The following EIF4E2 variants were observed in gnomAD, a reference collection of about 807,000 sequenced individuals.
EIF4E2 encodes eukaryotic translation initiation factor 4E family member 2.
Under a neutral mutation model 34.2 loss-of-function variants are expected in EIF4E2, and 13 were observed. That is an observed-to-expected ratio of 0.38 (90% CI 0.25 to 0.60). The LOEUF is 0.60. Among genes scored for constraint, EIF4E2 ranks in the 20% least tolerant of loss-of-function variants. EIF4E2 has a pLI of 0.62. For missense variants in EIF4E2, 222 were observed against 315.1 expected, an observed-to-expected ratio of 0.70 and a Z score of 2.24; for synonymous variants, 100 against 106.6, an observed-to-expected ratio of 0.94 and a Z score of 0.38.
At chr2:232,572,189 A>G (rs537592437), downstream of EIF4E2, among the ~76,000 whole-genome samples, 1 of 152,244 alleles carries the variant, frequency 6.6e-6, no homozygotes, top group Admixed American at 6.5e-5. Context: ...AATATTACCC[A>G]GTATGCCTGG....
chr2:232,582,984 T>A (rs1272691201), exon 7 of EIF4E2: 1 of 152,216 alleles, frequency 6.6e-6, no homozygotes, highest in Non-Finnish European at 1.5e-5. Context: ...CGCCCAGTGT[T>A]CTCCCAGATA....
chr2:232,557,968 A>T lies in EIF4E2; in HGVS notation c.220A>T (p.Ser74Cys). The change falls in exon 3 of 7, where the codon AGC (serine) becomes TGC (cysteine). Residue 74 changes from serine (S) to cysteine (C), a missense_variant. Physicochemically the swap from Ser to Cys is moderately radical, Grantham distance 112 (BLOSUM62 -1). Transcript: ENST00000258416. ...YSRRTPGRPT[S>C]SQSYEQNIKQ... The stretch of plus-strand genomic sequence containing the variant: ...CAGGAGAACCCCCGGCCGTCCCACG[A>T]GCTCACAGAGCTATGAACAGAATAT... 1 of 1,614,162 alleles carries T rather than the reference A, an allele frequency of 6.2e-7. No individual in the cohort carries two copies. The highest frequency in any genetic ancestry group is 1.1e-5 in the South Asian group (1 of 91,082).
intron 3 of EIF4E2, among the ~76,000 whole-genome samples, chr2:232,563,675 C>T (rs1550096): frequency 0.78 from 118,296 of 151,360 alleles, 47,005 homozygotes; most frequent in Middle Eastern, 0.91. Flanking sequence ...CTATCACTTA[C>T]GCTTAGTAAC....
chr2:232,579,906 A>G (rs925036897), intron 6 of EIF4E2, among the ~76,000 whole-genome samples: 1 of 152,216 alleles, frequency 6.6e-6, no homozygotes, highest in African/African-American at 2.4e-5. Flanking sequence ...GGGCAAGGGC[A>G]GCAGCCTTAA....
intron 1 of EIF4E2, among the ~76,000 whole-genome samples, chr2:232,555,428 G>A (rs1273531055): frequency 1.3e-5 from 2 of 152,204 alleles, no homozygotes; most frequent in Non-Finnish European, 2.9e-5. Flanking sequence ...GTACCTGAAA[G>A]CCTTGGGGTA....
chr2:232,564,129 G>C, intron 3 of EIF4E2, 118 bp from the exon 4 acceptor site: 1 of 529,776 alleles, frequency 1.9e-6, no homozygotes, highest in Non-Finnish European at 3.2e-6. Context: ...CTCTGAAAAG[G>C]ACAGCCTGTA....
In EIF4E2 at chr2:232,581,671, T is replaced by C. The variant is rs1693362840; in HGVS notation, c.*728T>C. The C allele has an allele frequency of 6.4e-6, 1 of 156,128 alleles. No homozygotes were observed. The highest frequency in any genetic ancestry group is 1.4e-5 in the Non-Finnish European group (1 of 70,734). 9.7% of individuals were successfully genotyped at this position (156,128 alleles called of 1,614,324 possible). ...GAACTGGAGCAGAATCTAGTTTGAT[T>C]AGGAGCTAGATTATAATCTAGGTTC... On this transcript the variant is annotated 3_prime_UTR_variant, in exon 7 of 7. Coordinates refer to the EIF4E2 transcript ENST00000409098. The surrounding 1 kb of genome is among the most constrained non-coding windows in gnomAD (Gnocchi z 5.2).
intron 1 of EIF4E2, 124 bp downstream of exon 1, chr2:232,550,868 C>A: frequency 1.0e-6 from 1 of 991,372 alleles, no homozygotes; most frequent in Non-Finnish European, 1.5e-6. Flanking sequence ...CCGGCTGCGG[C>A]CGGACCTGGC....
chr2:232,551,352 G>A, intron 1 of EIF4E2: 1 of 464,100 alleles, frequency 2.2e-6, no homozygotes, highest in South Asian at 1.6e-5. Context: ...AAGTATACTT[G>A]TTGCCCTCTC....
At chr2:232,559,346 A>G (rs1246817350) in intron 3 of EIF4E2, among the ~76,000 whole-genome samples, 2 of 151,770 alleles carry the variant, frequency 1.3e-5, no homozygotes, top group Admixed American at 1.3e-4. Flanking sequence ...ATAATTGTTT[A>G]TCTTTTCTCA....
chr2:232,568,750 G>A, intron 6 of EIF4E2, 195 bp from the exon 7 acceptor site: 1 of 985,444 alleles, frequency 1.0e-6, no homozygotes, highest in Middle Eastern at 5.2e-4. Flanking sequence ...AGGAGAGCCT[G>A]TGGGCTTTTT....
In EIF4E2 at chr2:232,550,716, G is replaced by A. The variant is rs1387678108; in HGVS notation, c.-9G>A. 9 of 1,584,712 alleles carry A rather than the reference G, an allele frequency of 5.7e-6. No homozygotes were observed. Among genetic ancestry groups the A allele is most frequent in the Non-Finnish European group, 4.3e-6 (5 of 1,167,442 alleles). ...TCCCTGAGGCAGTGGCGACAGCGGC[G>A]GCGAGAGGATGAACAACAAGTTCGA... On this transcript the variant is annotated 5_prime_UTR_variant, in exon 1 of 7. Coordinates refer to ENST00000258416, the MANE Select transcript of EIF4E2 (RefSeq NM_004846.4).
At chr2:232,561,327 GAA>G (rs10601173) in intron 3 of EIF4E2, among the ~76,000 whole-genome samples, 46,311 of 148,776 alleles carry the variant, frequency 0.31, 7,598 homozygotes, top group Admixed American at 0.42. Context: ...TCCCTCTTGT[GAA>G]AAAAAAAAGC....
At chr2:232,561,703 T>C (rs1478418192) in intron 3 of EIF4E2, among the ~76,000 whole-genome samples, 1 of 152,198 alleles carries the variant, frequency 6.6e-6, no homozygotes, top group African/African-American at 2.4e-5. Context: ...AGGCATCATC[T>C]TGAAATGGAA....
chr2:232,580,132 A>ACACACT (rs1406865884), intron 6 of EIF4E2, among the ~76,000 whole-genome samples: 1 of 137,580 alleles, frequency 7.3e-6, no homozygotes, highest in Admixed American at 7.2e-5. Context: ...ACACACACAC[A>ACACACT]CTTTCAAGAA....
At chr2:232,563,368 G>T (rs1374311872) in intron 3 of EIF4E2, among the ~76,000 whole-genome samples, 1 of 151,394 alleles carries the variant, frequency 6.6e-6, no homozygotes, top group Non-Finnish European at 1.5e-5. Flanking sequence ...TCATACTGCT[G>T]CGTAGACCCT....
chr2:232,552,945 A>C (rs554291037), intron 1 of EIF4E2, among the ~76,000 whole-genome samples: 20 of 152,304 alleles, frequency 1.3e-4, no homozygotes, highest in African/African-American at 4.8e-4. Flanking sequence ...AGTCTTTACC[A>C]CATTGCTCTC....
chr2:232,568,911 C>T, intron 6 of EIF4E2, 34 bp from the exon 7 acceptor site: 1 of 1,614,008 alleles, frequency 6.2e-7, no homozygotes, highest in Non-Finnish European at 8.5e-7. Context: ...TCTCTTTCCT[C>T]TCCCAATGAG....
In EIF4E2 at chr2:232,550,774, C is replaced by G. The variant is rs765437678; in HGVS notation, c.20+30C>G. ...GTGGCTCGTGGCCGCCCCCGGGGCC[C>G]CTTCCCCGAACAGTTCCCCCGCGCC... On this transcript the variant is annotated intron_variant, in intron 1 of 6. Coordinates refer to ENST00000258416, the MANE Select transcript of EIF4E2 (RefSeq NM_004846.4). The G allele has an allele frequency of 1.9e-5, 29 of 1,553,676 alleles. No homozygotes were observed. In the East Asian group the frequency reaches 7.2e-4, roughly 39 times the overall value.
Sources: gnomAD v4.1 joint callset for allele counts (sites outside exome capture counted in the v4.1 genomes callset) on GRCh38, gnomAD v4.1.1 for gene constraint, Gnocchi (gnomAD v3.1) non-coding constraint, MANE v1.5 for transcripts, NCBI Gene and HGNC (gene_info 2026-07-23, HGNC 2026-07-21) for gene names.